Variants in GUCY1A1 observed in about 807,000 individuals in gnomAD.
GUCY1A1 encodes the protein guanylate cyclase soluble subunit alpha-1.
GUCY1A1 carries 48 observed loss-of-function variants against 64.5 expected under a neutral mutation model. The observed-to-expected ratio is 0.74, with a 90% CI of 0.59 to 0.95. The LOEUF is 0.95. Ranked by LOEUF, GUCY1A1 falls within the 40% of genes least tolerant of loss-of-function variation. The pLI is 0.00. For synonymous variants in GUCY1A1, 308 were observed against 303.4 expected (o/e 1.02, Z -0.16); for missense variants, 804 against 825.3 (o/e 0.97, Z 0.32).
chr4:155,711,906 AAAT>A (rs1231128130), intron 6 of GUCY1A1, among the ~76,000 whole-genome samples: 1 of 152,244 alleles, frequency 6.6e-6, no homozygotes, highest in African/African-American at 2.4e-5. Context: ...AAAAATAATA[AAAT>A]ATATTGAGAT....
At chr4:155,673,233 C>T (rs1734399169) in intron 2 of GUCY1A1, among the ~76,000 whole-genome samples, 1 of 151,288 alleles carries the variant, frequency 6.6e-6, no homozygotes, top group Non-Finnish European at 1.5e-5. Flanking sequence ...TTTTGTACTT[C>T]TCTCAATAAA....
rs368512736 is a variant in GUCY1A1, at chr4:155,732,558, C to T, written c.*2327C>T. Among the ~76,000 whole-genome samples, 9 of 151,888 alleles carry T rather than the reference C, an allele frequency of 5.9e-5. No homozygotes were observed. The highest frequency in any genetic ancestry group is 9.6e-5 in the African/African-American group (4 of 41,480). On this transcript the variant is annotated 3_prime_UTR_variant, in exon 10 of 10. Transcript: ENST00000506455. ...ATCTGCTTTGAAGCATAGCGATTAG[C>T]GAGAAACTTTTCAGATCCAGACCAC... is the stretch of plus-strand genomic sequence containing the variant.
At chr4:155,729,370 A>G (rs932414800) in intron 9 of GUCY1A1, among the ~76,000 whole-genome samples, 8 of 151,856 alleles carry the variant, frequency 5.3e-5, no homozygotes, top group Non-Finnish European at 1.0e-4. Flanking sequence ...GGTTTAGCAT[A>G]ATGAACAAGT....
At chr4:155,691,386 A>G (rs1315153133) in intron 2 of GUCY1A1, among the ~76,000 whole-genome samples, 1 of 152,192 alleles carries the variant, frequency 6.6e-6, no homozygotes, top group Non-Finnish European at 1.5e-5. Context: ...ATTTCCTACT[A>G]CAAAGTGAAA....
chr4:155,681,679 T>C (rs981105719), intron 2 of GUCY1A1, among the ~76,000 whole-genome samples: 9 of 152,194 alleles, frequency 5.9e-5, no homozygotes, highest in African/African-American at 2.2e-4. Flanking sequence ...TTCTCTGTCA[T>C]AGTCATAATA....
chr4:155,711,399 C>T (rs930568059), intron 6 of GUCY1A1, 148 bp downstream of exon 6: 2 of 489,468 alleles, frequency 4.1e-6, no homozygotes, highest in Non-Finnish European at 7.1e-6. Flanking sequence ...CTGTAATAAA[C>T]TGAAAACAAA....
chr4:155,685,280 A>G (rs1188959682), intron 2 of GUCY1A1, among the ~76,000 whole-genome samples: 1 of 152,236 alleles, frequency 6.6e-6, no homozygotes, highest in Admixed American at 6.5e-5. Context: ...GGAGTCAGTC[A>G]ACAGACCCCA....
intron 2 of GUCY1A1, among the ~76,000 whole-genome samples, chr4:155,684,437 G>A (rs201582872): frequency 1.3e-5 from 2 of 152,258 alleles, no homozygotes; most frequent in East Asian, 3.9e-4. Context: ...AAGGATCTGT[G>A]TCCCAGTGTT....
In GUCY1A1 at chr4:155,735,264, A is replaced by C. The variant is rs989686458; in HGVS notation, c.*5033A>C. ...TTTATTTTCATATATAGTATCTGCCAAAATAGTAGCAAAAGTTTTATCAAT... is the reference window on the plus strand; with the variant it reads ...TTTATTTTCATATATAGTATCTGCCCAAATAGTAGCAAAAGTTTTATCAAT... On this transcript the variant is annotated 3_prime_UTR_variant, in exon 10 of 10. Coordinates refer to ENST00000506455, the MANE Select transcript of GUCY1A1 (RefSeq NM_001130682.3). 2 of 151,932 alleles carry C rather than the reference A, an allele frequency of 1.3e-5. No homozygotes were observed. The highest frequency in any genetic ancestry group is 2.9e-5 in the Non-Finnish European group (2 of 67,924). 9.4% of individuals were successfully genotyped at this position (151,932 alleles called of 1,614,324 possible). A position where few individuals can be genotyped will look rare whatever the true frequency, so the allele number is the denominator to read the frequency against.
chr4:155,717,148 A>G lies in GUCY1A1; in HGVS notation c.1573-11A>G. 2.1e-6 allele frequency: 3 copies of G among 1,411,034 alleles called. No individual in the cohort carries two copies. Among genetic ancestry groups the G allele is most frequent in the Non-Finnish European group, 2.8e-6 (3 of 1,064,996 alleles). The allele number at this position is 1,411,034 out of a possible 1,614,324, so 87.4% of individuals were successfully genotyped here. A position where few individuals can be genotyped will look rare whatever the true frequency, so the allele number is the denominator to read the frequency against. ...CATTTATTTATAGTATGGAAAATATATTATGTCTAGGTGGAGACCATTGGC... is the reference window on the plus strand; with the variant it reads ...CATTTATTTATAGTATGGAAAATATGTTATGTCTAGGTGGAGACCATTGGC... On this transcript the variant is annotated splice_polypyrimidine_tract_variant and intron_variant, in intron 7 of 9. Transcript: ENST00000506455.
chr4:155,714,575 A>G (rs1732990555), intron 7 of GUCY1A1, among the ~76,000 whole-genome samples: 1 of 152,328 alleles, frequency 6.6e-6, no homozygotes, highest in Admixed American at 6.5e-5. Flanking sequence ...AATAAAGCGT[A>G]TTTCTCATTT....
chr4:155,719,529 T>C (rs1454435128), intron 8 of GUCY1A1, among the ~76,000 whole-genome samples: 1 of 152,214 alleles, frequency 6.6e-6, no homozygotes, highest in Non-Finnish European at 1.5e-5. Flanking sequence ...TTCTGCTTCT[T>C]GCCCTGCTAC....
intron 2 of GUCY1A1, among the ~76,000 whole-genome samples, chr4:155,678,535 G>C (rs1735270903): frequency 6.6e-6 from 1 of 152,140 alleles, no homozygotes; most frequent in African/African-American, 2.4e-5. Flanking sequence ...TCTCATCACT[G>C]TTCTACAGAT....
intron 9 of GUCY1A1, among the ~76,000 whole-genome samples, chr4:155,728,217 T>C (rs1214495479): frequency 6.6e-6 from 1 of 151,912 alleles, no homozygotes; most frequent in Non-Finnish European, 1.5e-5. Context: ...AGTGGTTTGC[T>C]GGTAAACCAG....
intron 1 of GUCY1A1, 139 bp from the exon 2 acceptor site, chr4:155,667,207 T>G (rs899201124): frequency 1.3e-5 from 2 of 151,920 alleles, no homozygotes; most frequent in African/African-American, 4.8e-5. Context: ...CAGGTAGACA[T>G]GAGCGACCCA....
rs1405151373 is a variant in GUCY1A1, at chr4:155,731,775, T to C, written c.*1544T>C. 1 of 151,764 alleles carries C rather than the reference T, an allele frequency of 6.6e-6. No individual in the cohort carries two copies. Among genetic ancestry groups the C allele is most frequent in the East Asian group, 1.9e-4 (1 of 5,152 alleles). 9.4% of individuals were successfully genotyped at this position (151,764 alleles called of 1,614,324 possible). On this transcript the variant is annotated 3_prime_UTR_variant, in exon 10 of 10. Transcript: ENST00000506455. ...AAACTTCTTTAACTGCCTCCCTTAGTACCCAGGCTAGCCCATGGTGACATC... is the reference window on the plus strand; with the variant it reads ...AAACTTCTTTAACTGCCTCCCTTAGCACCCAGGCTAGCCCATGGTGACATC...
chr4:155,675,056 T>C (rs911967415), intron 2 of GUCY1A1, among the ~76,000 whole-genome samples: 1 of 151,492 alleles, frequency 6.6e-6, no homozygotes, highest in East Asian at 1.9e-4. Context: ...ATTATAAACA[T>C]ATGGGAACAT....
intron 2 of GUCY1A1, among the ~76,000 whole-genome samples, chr4:155,695,845 G>A (rs1006709962): frequency 6.6e-6 from 1 of 152,112 alleles, no homozygotes; most frequent in African/African-American, 2.4e-5. Context: ...GGAAATAGCT[G>A]GTAGACCCAG....
chr4:155,729,990 G>C, intron 9 of GUCY1A1, 40 bp from the exon 10 acceptor site: 1 of 1,239,936 alleles, frequency 8.1e-7, no homozygotes, highest in South Asian at 1.2e-5. Context: ...TTTTTGAGTG[G>C]ACAAACATTT....
Sources: gnomAD v4.1 joint callset for allele counts (sites outside exome capture counted in the v4.1 genomes callset) on GRCh38, gnomAD v4.1.1 for gene constraint, MANE v1.5 for transcripts, NCBI Gene and HGNC (gene_info 2026-07-23, HGNC 2026-07-21) for gene names.